The following ATP8B3 variants were observed in gnomAD, a reference collection of about 807,000 sequenced individuals.
ATP8B3 encodes ATPase phospholipid transporting 8B3.
Under a neutral mutation model 140.9 loss-of-function variants are expected in ATP8B3, and 141 were observed. The observed-to-expected ratio is 1.00, with a 90% confidence interval of 0.87 to 1.15. The LOEUF (loss-of-function observed/expected upper bound fraction) is 1.15. ATP8B3 is among the 50% of genes most tolerant of loss of function. ATP8B3 has a pLI of 0.00. For missense variants in ATP8B3, 1,874 were observed against 1,740.6 expected, an observed-to-expected ratio of 1.08 and a Z score of -1.36; for synonymous variants, 765 against 714.6, an observed-to-expected ratio of 1.07 and a Z score of -1.13.
At chr19:1,783,406 G>C in intron 28 of ATP8B3, 136 bp from the exon 29 acceptor site, 1 of 1,119,488 alleles carries the variant, frequency 8.9e-7, no homozygotes. Context: ...TACCCAAGTT[G>C]AGCCAATTAG....
In ATP8B3 at chr19:1,789,695, C is replaced by G; in HGVS notation, c.2511G>C (p.Pro837=). 6.3e-7 allele frequency: 1 copy of G among 1,585,568 alleles called. No individual in the cohort carries two copies. The highest frequency in any genetic ancestry group is 8.6e-7 in the Non-Finnish European group (1 of 1,168,956). The stretch of plus-strand genomic sequence containing the variant: ...TGTTCACGTTCTGCGCCAGGGCGCG[C>G]GGCTCCTTCCGCAGGGACACCAGCA... ...DKLLVSLRKE[P]RALAQNVNMD... Residue 837 remains proline, a synonymous_variant, in exon 23 of 29, where the codon CCG becomes CCC. Transcript: ENST00000310127.
At chr19:1,802,432 T>A in intron 11 of ATP8B3, 55 bp downstream of exon 11, 1 of 401,404 alleles carries the variant, frequency 2.5e-6, no homozygotes, top group Non-Finnish European at 4.0e-6. Context: ...CCCACATCCA[T>A]CTACCACGCT....
rs779464769 is a variant in ATP8B3 at position 1,782,693 on chromosome 19, G to A, written c.*335C>T. 9.9e-6 allele frequency: 3 copies of A among 303,286 alleles called. No individual in the cohort carries two copies. The highest frequency in any genetic ancestry group is 1.9e-5 in the Non-Finnish European group (3 of 161,960). 18.8% of individuals were successfully genotyped at this position (303,286 alleles called of 1,614,324 possible). A position where few individuals can be genotyped will look rare whatever the true frequency, so the allele number is the denominator to read the frequency against. On this transcript the variant is annotated 3_prime_UTR_variant, in exon 29 of 29. Coordinates refer to ENST00000310127, the MANE Select transcript of ATP8B3 (RefSeq NM_138813.4). Reference sequence around the variant, plus strand: ...AGGCTGTGGCTGGCTCTCAAATGACGACAGCTGGCTTTCTCTGTGCAACAG... The same window carrying A: ...AGGCTGTGGCTGGCTCTCAAATGACAACAGCTGGCTTTCTCTGTGCAACAG...
intron 15 of ATP8B3, 39 bp downstream of exon 15, chr19:1,796,935 C>T: frequency 3.1e-6 from 5 of 1,612,330 alleles, no homozygotes; most frequent in African/African-American, 2.7e-5. Context: ...CGTGCCCCGT[C>T]CCCCTCACCG....
In ATP8B3 at chr19:1,782,347, C is replaced by A. The variant is rs536013971; in HGVS notation, c.*681G>T. ...AGGGCAATGACTGCTCCTCTGGGGG[C>A]AAGGATAGCTGCTCCTCCCCGGGCA... On this transcript the variant is annotated 3_prime_UTR_variant, in exon 29 of 29. Coordinates refer to ENST00000310127, the MANE Select transcript of ATP8B3 (RefSeq NM_138813.4). 2.0e-3 allele frequency: 589 copies of A among 297,366 alleles called. No homozygotes were observed. The highest frequency in any genetic ancestry group is 0.011 in the African/African-American group (502 of 44,696). 18.4% of individuals were successfully genotyped at this position (297,366 alleles called of 1,614,324 possible).
rs777779133 is a variant in ATP8B3, at chr19:1,789,764, G to T, written c.2479-37C>A. ...GGAGGGGGCTGTGCCAGGCGCCGTG[G>T]CCTCCAGGCCAGACTGGACCCTACC... On this transcript the variant is annotated intron_variant, in intron 22 of 28. Transcript: ENST00000310127. 4 of 1,539,470 alleles carry T rather than the reference G, an allele frequency of 2.6e-6. No homozygotes were observed. The Admixed American group carries it at 5.7e-5, about 22-fold the overall frequency.
chr19:1,805,854 C>A lies in ATP8B3; in HGVS notation c.821+34G>T. 6.2e-7 allele frequency: 1 copy of A among 1,611,786 alleles called. No individual in the cohort carries two copies. Among genetic ancestry groups the A allele is most frequent in the Non-Finnish European group, 8.5e-7 (1 of 1,179,154 alleles). ...GCTCCTCCGGGCCATGCTCCCCACCCCCCAGGGTCCCCAGCGATGCCACAG... is the reference window on the plus strand; with the variant it reads ...GCTCCTCCGGGCCATGCTCCCCACCACCCAGGGTCCCCAGCGATGCCACAG... On this transcript the variant is annotated intron_variant, in intron 9 of 28. Transcript: ENST00000310127. The surrounding 1 kb of genome is among the most constrained non-coding windows in gnomAD (Gnocchi z 5.2).
chr19:1,797,424 G>A (rs561560916), intron 14 of ATP8B3, among the ~76,000 whole-genome samples: 1 of 152,228 alleles, frequency 6.6e-6, no homozygotes, highest in African/African-American at 2.4e-5. Flanking sequence ...CCATCCGTGG[G>A]ACACACTTTG....
chr19:1,801,526 G>A lies in ATP8B3; in HGVS notation c.1152+430C>T, dbSNP rs1023162832. On this transcript the variant is annotated intron_variant, in intron 12 of 28. Transcript: ENST00000310127. Reference sequence around the variant, plus strand: ...AGCACTTTGGGAGGCTGAGGAGGGCGGATTGCTTGAGCTCAGGAGTTCGAG... The same window carrying A: ...AGCACTTTGGGAGGCTGAGGAGGGCAGATTGCTTGAGCTCAGGAGTTCGAG... 5.3e-5 allele frequency among the ~76,000 whole-genome samples: 8 copies of A among 152,298 alleles called. No homozygotes were observed. The East Asian group carries it at 7.7e-4, about 15-fold the overall frequency.
In ATP8B3 at chr19:1,788,933, C is replaced by T. The variant is rs2068390573; in HGVS notation, c.3033G>A (p.Gln1011=). ...FYKSMASMMV[Q]VWFACYNGFT... ...AGCCGTTGTAGCAGGCAAACCAGAC[C>T]TGCACCATCATGCTGGCCATGCTCT... is the stretch of plus-strand genomic sequence containing the variant. Residue 1011 remains glutamine (Q), a synonymous_variant, in exon 24 of 29, where the codon CAG becomes CAA. Coordinates refer to ENST00000310127, the MANE Select transcript of ATP8B3 (RefSeq NM_138813.4). The T allele has an allele frequency of 1.9e-6, 3 of 1,605,496 alleles. No individual in the cohort carries two copies. The highest frequency in any genetic ancestry group is 1.7e-5 in the Admixed American group (1 of 58,930).
chr19:1,789,285 C>T (rs1367036400), intron 23 of ATP8B3, 76 bp downstream of exon 23: 8 of 1,427,192 alleles, frequency 5.6e-6, no homozygotes, highest in Non-Finnish European at 7.4e-6. Context: ...CCCCAGGTCC[C>T]CCCAGTCCCA....
chr19:1,787,644 G>A (rs1211423340), intron 24 of ATP8B3, among the ~76,000 whole-genome samples: 4 of 149,574 alleles, frequency 2.7e-5, no homozygotes, highest in Non-Finnish European at 4.4e-5. Context: ...CAGGAGAATC[G>A]CTTGAACCCA....
rs893974996 is a variant in ATP8B3, at chr19:1,808,156, C to G, written c.516+66G>C. 5.8e-5 allele frequency: 77 copies of G among 1,334,612 alleles called. No individual in the cohort carries two copies. The African/African-American group carries it at 1.0e-3, about 18-fold the overall frequency. 82.7% of individuals were successfully genotyped at this position (1,334,612 alleles called of 1,614,324 possible). A position where few individuals can be genotyped will look rare whatever the true frequency, so the allele number is the denominator to read the frequency against. Reference sequence around the variant, plus strand: ...GTGGGACGTGAACCCACCCATCACACAGACAAACACATCGATGCTGCCAGG... The same window carrying G: ...GTGGGACGTGAACCCACCCATCACAGAGACAAACACATCGATGCTGCCAGG... On this transcript the variant is annotated intron_variant, in intron 5 of 28. Transcript: ENST00000310127.
chr19:1,794,853 G>A lies in ATP8B3; in HGVS notation c.2055+1022C>T, dbSNP rs1568633927. ...CAGAAAAAGCCTCAAATCCTGGGCC[G>A]AGGAGTTCGGGCTTCCCCCACAGAG... is the stretch of plus-strand genomic sequence containing the variant. On this transcript the variant is annotated intron_variant, in intron 18 of 28. Transcript: ENST00000310127. This position sits in a 1 kb window ranked among gnomAD's most constrained non-coding sequence, Gnocchi z 4.8. Among the ~76,000 whole-genome samples, 4 of 152,176 alleles carry A rather than the reference G, an allele frequency of 2.6e-5. No homozygotes were observed. The highest frequency in any genetic ancestry group is 1.3e-4 in the Admixed American group (2 of 15,282).
chr19:1,786,975 G>A lies in ATP8B3; in HGVS notation c.3153+128C>T, dbSNP rs1479359585. 7.5e-6 allele frequency: 6 copies of A among 805,140 alleles called. No homozygotes were observed. The East Asian group carries it at 1.1e-4, about 15-fold the overall frequency. 49.9% of individuals were successfully genotyped at this position (805,140 alleles called of 1,614,324 possible). A position where few individuals can be genotyped will look rare whatever the true frequency, so the allele number is the denominator to read the frequency against. On this transcript the variant is annotated intron_variant, in intron 25 of 28. Coordinates refer to ENST00000310127, the MANE Select transcript of ATP8B3 (RefSeq NM_138813.4). ...AGTGGGCAGGGAGAGGTACTGGACT[G>A]CACCCCCTGAGCCCCACCCCATGGC...
rs766599701 is a variant in ATP8B3, at chr19:1,783,010, G to C, written c.*18C>G. The C allele has an allele frequency of 4.4e-6, 7 of 1,589,498 alleles. No homozygotes were observed. The South Asian group carries it at 5.7e-5, about 13-fold the overall frequency. Reference sequence around the variant, plus strand: ...GCTGGTGCTTCTTCTTCCCCAGGAAGGACATCTTCCTGAGGTGTCACTGTG... The same window carrying C: ...GCTGGTGCTTCTTCTTCCCCAGGAACGACATCTTCCTGAGGTGTCACTGTG... On this transcript the variant is annotated 3_prime_UTR_variant, in exon 29 of 29. Coordinates refer to ENST00000310127, the MANE Select transcript of ATP8B3 (RefSeq NM_138813.4).
chr19:1,808,370 G>C, intron 4 of ATP8B3, 35 bp from the exon 5 acceptor site: 1 of 1,542,760 alleles, frequency 6.5e-7, no homozygotes, highest in Non-Finnish European at 8.9e-7. Context: ...TGGCAGAGGG[G>C]TGCCATCCAG....
rs540882948 is a variant in ATP8B3 at position 1,805,869 on chromosome 19, C to G, written c.821+19G>C. The G allele has an allele frequency of 1.2e-5, 20 of 1,612,564 alleles. No individual in the cohort carries two copies. The highest frequency in any genetic ancestry group is 1.4e-5 in the Non-Finnish European group (17 of 1,179,706). ...GCTCCCCACCCCCCAGGGTCCCCAG[C>G]GATGCCACAGCTCCTCACCCGTCAA... On this transcript the variant is annotated intron_variant, in intron 9 of 28. Coordinates refer to ENST00000310127, the MANE Select transcript of ATP8B3 (RefSeq NM_138813.4). The surrounding 1 kb of genome is among the most constrained non-coding windows in gnomAD (Gnocchi z 5.2).
At chr19:1,803,101 C>T (rs943240540) in intron 10 of ATP8B3, among the ~76,000 whole-genome samples, 42 of 152,132 alleles carry the variant, frequency 2.8e-4, no homozygotes, top group Non-Finnish European at 2.9e-5. Flanking sequence ...GGAGAAGGGA[C>T]GCCTGATCGA....
Sources: allele counts gnomAD v4.1 joint callset (sites outside exome capture counted in the v4.1 genomes callset), GRCh38; gene constraint gnomAD v4.1.1; non-coding constraint Gnocchi (gnomAD v3.1); transcripts MANE v1.5; gene names NCBI Gene and HGNC (gene_info 2026-07-23, HGNC 2026-07-21).